Variants in CA13 observed in about 807,000 individuals in gnomAD.
CA13 encodes the protein carbonic anhydrase 13.
A neutral mutation model predicts 31.5 loss-of-function variants in CA13; 21 were observed. That is an observed-to-expected ratio of 0.67 (90% CI 0.47 to 0.96). The LOEUF is 0.96. Among genes scored for constraint, CA13 ranks in the 40% least tolerant of loss-of-function variants. CA13 has a pLI of 0.00. For synonymous variants in CA13, 117 were observed against 111.4 expected (o/e 1.05, Z -0.32); for missense variants, 315 against 318.9 (o/e 0.99, Z 0.09).
At chr8:85,277,357 A>T (rs906874746) in intron 6 of CA13, among the ~76,000 whole-genome samples, 2 of 151,514 alleles carry the variant, frequency 1.3e-5, no homozygotes, top group Non-Finnish European at 2.9e-5. Flanking sequence ...GAGCTGTAAC[A>T]CTCACCGGGA....
At chr8:85,279,446 A>G (rs1807664793) in intron 6 of CA13, among the ~76,000 whole-genome samples, 1 of 152,202 alleles carries the variant, frequency 6.6e-6, no homozygotes, top group Non-Finnish European at 1.5e-5. Context: ...AGACCCAGTT[A>G]TAAGGGGAAG....
Position 85,258,355 on chromosome 8 carries a change from CT to C in CA13, c.236-1065del, listed in dbSNP as rs150454304. Among the ~76,000 whole-genome samples, 1,352 of 152,192 alleles carry C rather than the reference CT, an allele frequency of 8.9e-3. 57 individuals carry two copies. The East Asian group carries it at 0.1, about 12-fold the overall frequency. On this transcript the variant is annotated intron_variant, in intron 2 of 6. Coordinates refer to ENST00000321764, the MANE Select transcript of CA13 (RefSeq NM_198584.3). ...GTCATAGTTTTAGAGATCATATTTACTGAGGAAATTACTCAAATGTACTTTG... is the reference window on the plus strand; with the variant it reads ...GTCATAGTTTTAGAGATCATATTTACGAGGAAATTACTCAAATGTACTTTG...
At chr8:85,256,349 T>A (rs1433805839) in intron 2 of CA13, among the ~76,000 whole-genome samples, 1 of 152,212 alleles carries the variant, frequency 6.6e-6, no homozygotes, top group African/African-American at 2.4e-5. Context: ...AAAATATGTG[T>A]GCTGAAATTT....
At chr8:85,266,586 A>G (rs2129984078) in intron 3 of CA13, 22 bp from the exon 4 acceptor site, 3 of 1,569,156 alleles carry the variant, frequency 1.9e-6, no homozygotes, top group African/African-American at 1.4e-5. Context: ...CATTCCTACT[A>G]TGTTGTATAT....
chr8:85,260,074 A>G (rs550717326), intron 3 of CA13, among the ~76,000 whole-genome samples: 4 of 152,202 alleles, frequency 2.6e-5, no homozygotes, highest in African/African-American at 9.6e-5. Context: ...CTTTATCTCT[A>G]TATTTACAGG....
At chr8:85,256,009 C>T (rs1359359648) in intron 2 of CA13, among the ~76,000 whole-genome samples, 2 of 149,904 alleles carry the variant, frequency 1.3e-5, no homozygotes, top group African/African-American at 2.5e-5. Context: ...ATGGTAGGTG[C>T]TCAATACATG....
rs1807742953 is a variant in CA13, at chr8:85,283,914, A to G, written c.*2565A>G. On this transcript the variant is annotated 3_prime_UTR_variant, in exon 7 of 7. Coordinates refer to ENST00000321764, the MANE Select transcript of CA13 (RefSeq NM_198584.3). ...AGGCAAAAGGTTTAAATGTGTTAAAATGGTTATATTGCCTCCTTTTTAAAC... is the reference window on the plus strand; with the variant it reads ...AGGCAAAAGGTTTAAATGTGTTAAAGTGGTTATATTGCCTCCTTTTTAAAC... 1 of 152,224 alleles carries G rather than the reference A, an allele frequency of 6.6e-6. No individual in the cohort carries two copies. The highest frequency in any genetic ancestry group is 1.5e-5 in the Non-Finnish European group (1 of 68,042). 9.4% of individuals were successfully genotyped at this position (152,224 alleles called of 1,614,324 possible). A position where few individuals can be genotyped will look rare whatever the true frequency, so the allele number is the denominator to read the frequency against.
At chr8:85,254,210 G>A (rs1056240133) in intron 2 of CA13, among the ~76,000 whole-genome samples, 40 of 150,304 alleles carry the variant, frequency 2.7e-4, no homozygotes, top group African/African-American at 9.6e-4. Flanking sequence ...CCCAGGAGGC[G>A]CAGGTTGCAG....
At chr8:85,278,949 G>A (rs985163260) in intron 6 of CA13, among the ~76,000 whole-genome samples, 4 of 152,084 alleles carry the variant, frequency 2.6e-5, no homozygotes. Context: ...CTGAGGTAAT[G>A]GAGAGCACTT....
At position 85,245,694 on chromosome 8, in the gene CA13, G is replaced by A; in HGVS notation, c.-135G>A. 1.0e-6 allele frequency: 1 copy of A among 998,526 alleles called. No individual in the cohort carries two copies. Among genetic ancestry groups the A allele is most frequent in the Non-Finnish European group, 1.5e-6 (1 of 648,230 alleles). 61.9% of individuals were successfully genotyped at this position (998,526 alleles called of 1,614,324 possible). A position where few individuals can be genotyped will look rare whatever the true frequency, so the allele number is the denominator to read the frequency against. ...ACGCAGGCGGGAGCGCCCCGGACCG[G>A]GTTCACGGTCTCGCACTCCTGCCGC... On this transcript the variant is annotated 5_prime_UTR_variant, in exon 1 of 7. Transcript: ENST00000321764.
At chr8:85,269,466 G>A (rs1807498552) in intron 6 of CA13, among the ~76,000 whole-genome samples, 2 of 151,958 alleles carry the variant, frequency 1.3e-5, no homozygotes, top group African/African-American at 4.8e-5. Flanking sequence ...TTAAGAGGGT[G>A]GATCTCATTT....
chr8:85,264,860 G>A lies in CA13; in HGVS notation c.355-1748G>A, dbSNP rs539325756. Among the ~76,000 whole-genome samples, 6 of 152,254 alleles carry A rather than the reference G, an allele frequency of 3.9e-5. No individual in the cohort carries two copies. In the East Asian group the frequency reaches 7.7e-4, roughly 20 times the overall value. On this transcript the variant is annotated intron_variant, in intron 3 of 6. Transcript: ENST00000321764. Reference sequence around the variant, plus strand: ...CCAAATGAATTCTGTTTCATCACCCGGTGTTTTCAGGTTTCTTTCCTCCCC... The same window carrying A: ...CCAAATGAATTCTGTTTCATCACCCAGTGTTTTCAGGTTTCTTTCCTCCCC...
chr8:85,270,895 G>T (rs1240146374), intron 6 of CA13, among the ~76,000 whole-genome samples: 2 of 152,098 alleles, frequency 1.3e-5, no homozygotes, highest in African/African-American at 4.8e-5. Flanking sequence ...CTTATTTGAG[G>T]CTCAATGGAT....
At chr8:85,279,889 T>C (rs74875496) in intron 6 of CA13, among the ~76,000 whole-genome samples, 4,127 of 152,288 alleles carry the variant, frequency 0.027, 187 homozygotes, top group African/African-American at 0.094. Flanking sequence ...TTCAGCCTCA[T>C]GTGGTTTTAG....
chr8:85,255,755 A>G (rs1195052764), intron 2 of CA13, among the ~76,000 whole-genome samples: 1 of 152,174 alleles, frequency 6.6e-6, no homozygotes, highest in East Asian at 1.9e-4. Context: ...GAAGAAAGAC[A>G]AGGCTGTTCT....
chr8:85,275,891 C>T (rs1338530864), intron 6 of CA13, among the ~76,000 whole-genome samples: 1 of 152,260 alleles, frequency 6.6e-6, no homozygotes, highest in Non-Finnish European at 1.5e-5. Context: ...TGAGAGGTGA[C>T]AGCGTGCTGG....
chr8:85,267,910 A>C lies in CA13; in HGVS notation c.459A>C (p.Glu153Asp), dbSNP rs763563575. ...AVLGVFLQIG[E>D]PNSQLQKITD... The stretch of plus-strand genomic sequence containing the variant: ...AAATTTCATGTTTTTAGATTGGTGA[A>C]CCTAATTCCCAACTGCAAAAGATTA... The change falls in exon 5 of 7, where the codon GAA (glutamate) becomes GAC (aspartate). Residue 153 changes from glutamate (E) to aspartate (D), a missense_variant. Glu to Asp is a conservative substitution (Grantham distance 45). Coordinates refer to ENST00000321764, the MANE Select transcript of CA13 (RefSeq NM_198584.3). 2 of 1,596,316 alleles carry C rather than the reference A, an allele frequency of 1.3e-6. No homozygotes were observed. Among genetic ancestry groups the C allele is most frequent in the Admixed American group, 3.4e-5 (2 of 59,342 alleles).
At chr8:85,253,008 C>T (rs575387703) in intron 2 of CA13, among the ~76,000 whole-genome samples, 155 of 151,564 alleles carry the variant, frequency 1.0e-3, no homozygotes, top group African/African-American at 3.7e-3. Context: ...TGCAATGGCA[C>T]AGTCTCGGCT....
chr8:85,249,494 C>CA (rs375419895), intron 1 of CA13, among the ~76,000 whole-genome samples: 82,616 of 127,546 alleles, frequency 0.65, 24,989 homozygotes, highest in Middle Eastern at 0.68. Context: ...GACCCTGTCT[C>CA]AAAAAAAAAA....
Sources: allele counts gnomAD v4.1 joint callset (sites outside exome capture counted in the v4.1 genomes callset), GRCh38; gene constraint gnomAD v4.1.1; transcripts MANE v1.5; gene names NCBI Gene and HGNC (gene_info 2026-07-23, HGNC 2026-07-21).